Variants in OXCT1 observed in about 807,000 individuals in gnomAD.
OXCT1 encodes 3-oxoacid CoA-transferase 1.
A neutral mutation model predicts 69.6 loss-of-function variants in OXCT1; 27 were observed. The ratio of observed to expected loss-of-function variants is 0.39; its 90% CI spans 0.29 to 0.54. The LOEUF is 0.54. Ranked by LOEUF, OXCT1 falls within the 20% of genes least tolerant of loss-of-function variation. OXCT1 has a pLI of 0.72. For synonymous variants in OXCT1, 202 were observed against 217.8 expected, an observed-to-expected ratio of 0.93 and a Z score of 0.64; for missense variants, 437 against 650.2, an observed-to-expected ratio of 0.67 and a Z score of 3.57.
intron 7 of OXCT1, among the ~76,000 whole-genome samples, chr5:41,820,600 A>G (rs1470923649): frequency 6.6e-6 from 1 of 152,202 alleles, no homozygotes; most frequent in African/African-American, 2.4e-5. Context: ...AATATATATT[A>G]TAACTAAAAT....
intron 7 of OXCT1, among the ~76,000 whole-genome samples, chr5:41,830,888 G>A (rs1329890945): frequency 6.6e-6 from 1 of 152,154 alleles, no homozygotes; most frequent in African/African-American, 2.4e-5. Context: ...CAAGAAGCAT[G>A]ATGCCCCAAA....
intron 15 of OXCT1, chr5:41,739,870 CAAA>C (rs770217745): frequency 2.3e-3 from 182 of 80,152 alleles, no homozygotes; most frequent in Middle Eastern, 0.021. Flanking sequence ...GACTCTGTCT[CAAA>C]AAAAAAAAAA....
At chr5:41,851,183 C>T (rs1344157048) in intron 4 of OXCT1, among the ~76,000 whole-genome samples, 1 of 152,058 alleles carries the variant, frequency 6.6e-6, no homozygotes, top group African/African-American at 2.4e-5. Context: ...TTCATATTGT[C>T]CCAACCTTAA....
intron 1 of OXCT1, chr5:41,869,993 G>GT: frequency 2.2e-6 from 1 of 458,852 alleles, no homozygotes; most frequent in Non-Finnish European, 4.0e-6. Context: ...AAAGGGCTCG[G>GT]GAGCGCTGCC....
chr5:41,783,172 G>A (rs1457016500), intron 13 of OXCT1, among the ~76,000 whole-genome samples: 1 of 152,194 alleles, frequency 6.6e-6, no homozygotes, highest in African/African-American at 2.4e-5. Context: ...CTGACCATAA[G>A]TGGATAACTG....
At chr5:41,758,808 A>C (rs1744206961) in intron 14 of OXCT1, among the ~76,000 whole-genome samples, 1 of 152,072 alleles carries the variant, frequency 6.6e-6, no homozygotes, top group Non-Finnish European at 1.5e-5. Context: ...ATTGGCTTTA[A>C]CTTTAAAGAC....
Position 41,775,230 on chromosome 5 carries a change from A to C in OXCT1, c.1249-13030T>G, listed in dbSNP as rs1579710738. 2.0e-5 allele frequency among the ~76,000 whole-genome samples: 3 copies of C among 152,144 alleles called. No homozygotes were observed. In the South Asian group the frequency reaches 6.2e-4, roughly 32 times the overall value. ...ACAAGTTAAGGATTCAGTCTTACAA[A>C]ACTGCTCCCCATTTCAAACCCTGAT... On this transcript the variant is annotated intron_variant, in intron 13 of 16. Transcript: ENST00000196371.
intron 1 of OXCT1, among the ~76,000 whole-genome samples, chr5:41,869,242 C>A (rs1579921319): frequency 1.3e-5 from 2 of 152,318 alleles, no homozygotes; most frequent in East Asian, 1.9e-4. Context: ...GGATTGGATG[C>A]AGGAAAGAGC....
chr5:41,793,378 C>G (rs1427307560), intron 13 of OXCT1, among the ~76,000 whole-genome samples: 1 of 152,206 alleles, frequency 6.6e-6, no homozygotes, highest in African/African-American at 2.4e-5. Flanking sequence ...CTATAATGAA[C>G]TACACTCATG....
intron 1 of OXCT1, among the ~76,000 whole-genome samples, chr5:41,867,455 T>G (rs755620340): frequency 1.3e-5 from 2 of 152,210 alleles, no homozygotes; most frequent in Admixed American, 6.5e-5. Context: ...GAAGAAACAG[T>G]TGCTGAGAAA....
chr5:41,847,808 C>G (rs1313554725), intron 5 of OXCT1, among the ~76,000 whole-genome samples: 5 of 151,040 alleles, frequency 3.3e-5, no homozygotes, highest in Admixed American at 1.3e-4. Flanking sequence ...CTATGACAAA[C>G]CCACAGCCAA....
At chr5:41,792,435 A>G (rs771759297) in intron 13 of OXCT1, among the ~76,000 whole-genome samples, 3 of 152,224 alleles carry the variant, frequency 2.0e-5, no homozygotes, top group Non-Finnish European at 2.9e-5. Flanking sequence ...CCCAAAGAGC[A>G]TAAGTGAAAT....
rs763823594 is a variant in OXCT1, at chr5:41,731,476, A to G, written c.*253T>C. On this transcript the variant is annotated 3_prime_UTR_variant, in exon 17 of 17. Coordinates refer to ENST00000196371, the MANE Select transcript of OXCT1 (RefSeq NM_000436.4). Reference sequence around the variant, plus strand: ...ACCATATTCAGTGAAAATGCATTCAATATAATTACCTATTATAAAAACAAC... The same window carrying G: ...ACCATATTCAGTGAAAATGCATTCAGTATAATTACCTATTATAAAAACAAC... The G allele has an allele frequency of 2.9e-4, 256 of 888,920 alleles. 2 individuals carry two copies. Among genetic ancestry groups the G allele is most frequent in the Middle Eastern group, 2.0e-3 (5 of 2,486 alleles). 55.1% of individuals were successfully genotyped at this position (888,920 alleles called of 1,614,324 possible).
intron 14 of OXCT1, among the ~76,000 whole-genome samples, chr5:41,750,985 C>T (rs939544427): frequency 2.0e-5 from 3 of 152,108 alleles, no homozygotes; most frequent in African/African-American, 7.2e-5. Context: ...GTTGACATAA[C>T]ACCTTTTAAA....
intron 4 of OXCT1, among the ~76,000 whole-genome samples, chr5:41,852,582 T>G (rs935270982): frequency 6.6e-6 from 1 of 152,198 alleles, no homozygotes; most frequent in Non-Finnish European, 1.5e-5. Context: ...TCCAATTAGT[T>G]AAGAGATGAC....
Position 41,866,537 on chromosome 5 carries a change from G to A in OXCT1, c.78+3744C>T, listed in dbSNP as rs1749984032. Among the ~76,000 whole-genome samples the A allele has an allele frequency of 3.3e-5, 5 of 152,294 alleles. 1 individual carries two copies. The South Asian group carries it at 8.3e-4, about 25-fold the overall frequency. On this transcript the variant is annotated intron_variant, in intron 1 of 16. Coordinates refer to ENST00000196371, the MANE Select transcript of OXCT1 (RefSeq NM_000436.4). ...AAGAAAAGGCAGTAATATGTGAGTG[G>A]ATACACTCACAGACCTGCAGAGCAC...
Position 41,749,587 on chromosome 5 carries a change from C to A in OXCT1, c.1359G>T (p.Met453Ile), listed in dbSNP as rs1036287749. ...HSAKGNAHKI[M>I]EKCTLPLTGK... ...CAGTCAATGGTAATGTACATTTCTC[C>A]ATGATTTTATGTGCATTTCCCTGTT... Residue 453 changes from methionine (M) to isoleucine (I), a missense_variant, in exon 15 of 17, where the codon ATG (methionine) becomes ATT (isoleucine). Transcript: ENST00000196371. The A allele has an allele frequency of 7.5e-6, 12 of 1,607,134 alleles. No homozygotes were observed. Among genetic ancestry groups the A allele is most frequent in the Non-Finnish European group, 1.0e-5 (12 of 1,174,786 alleles).
chr5:41,778,462 A>G (rs1421619658), intron 13 of OXCT1, among the ~76,000 whole-genome samples: 1 of 152,222 alleles, frequency 6.6e-6, no homozygotes, highest in African/African-American at 2.4e-5. Context: ...TGGAGATGGA[A>G]AACGCATGTT....
intron 7 of OXCT1, among the ~76,000 whole-genome samples, chr5:41,827,482 A>G (rs946171723): frequency 1.3e-5 from 2 of 152,248 alleles, no homozygotes; most frequent in Admixed American, 6.5e-5. Flanking sequence ...ACTGTATGTG[A>G]AAGTGATTTG....
Sources: gnomAD v4.1 joint callset for allele counts (sites outside exome capture counted in the v4.1 genomes callset) on GRCh38, gnomAD v4.1.1 for gene constraint, MANE v1.5 for transcripts, NCBI Gene and HGNC (gene_info 2026-07-23, HGNC 2026-07-21) for gene names.